Variants in BDH1 observed in about 807,000 individuals in gnomAD.
BDH1 encodes the protein D-beta-hydroxybutyrate dehydrogenase, mitochondrial.
BDH1 carries 30 observed loss-of-function variants against 33.1 expected under a neutral mutation model. That is an observed-to-expected ratio of 0.91 (90% CI 0.68 to 1.23). BDH1 has a LOEUF of 1.23. BDH1 is among the 50% of genes most tolerant of loss of function. The pLI, the probability that BDH1 is intolerant of heterozygous loss-of-function variation, is 0.00. For synonymous variants in BDH1, 190 were observed against 183.6 expected (o/e 1.03, Z -0.28); for missense variants, 443 against 464.4 (o/e 0.95, Z 0.42).
chr3:197,542,904 A>C (rs1040365093), intron 3 of BDH1, among the ~76,000 whole-genome samples: 1 of 152,034 alleles, frequency 6.6e-6, no homozygotes, highest in Non-Finnish European at 1.5e-5. Context: ...TTTTGCCCTA[A>C]CCCAGGAACA....
At chr3:197,531,880 T>C (rs1337755807) in intron 5 of BDH1, among the ~76,000 whole-genome samples, 1 of 152,168 alleles carries the variant, frequency 6.6e-6, no homozygotes, top group Non-Finnish European at 1.5e-5. Context: ...AGCCTCATGC[T>C]TTCAAGCCTC....
At chr3:197,546,887 C>A (rs149734755) in intron 2 of BDH1, among the ~76,000 whole-genome samples, 286 of 152,310 alleles carry the variant, frequency 1.9e-3, no homozygotes, top group African/African-American at 6.2e-3. Flanking sequence ...GCTGAAACAC[C>A]CACCTGTGGT....
rs886900954 is a variant in BDH1, at chr3:197,562,340, T to A, written c.-44+10841A>T. Reference sequence around the variant, plus strand: ...CCATAATTAATCTCAATTGTGTTTGTCTGTGTGCATTTGTCTGAGGAACTG... The same window carrying A: ...CCATAATTAATCTCAATTGTGTTTGACTGTGTGCATTTGTCTGAGGAACTG... On this transcript the variant is annotated intron_variant, in intron 1 of 6. Transcript: ENST00000358186. Among the ~76,000 whole-genome samples the A allele has an allele frequency of 2.6e-5, 4 of 152,158 alleles. No individual in the cohort carries two copies. The East Asian group carries it at 7.8e-4, about 30-fold the overall frequency.
chr3:197,538,415 G>T (rs535438285), intron 3 of BDH1: 20 of 453,626 alleles, frequency 4.4e-5, no homozygotes, highest in African/African-American at 3.6e-4. Context: ...GCAGTGACAC[G>T]ATCTCAGCTC....
At chr3:197,513,759 A>C (rs921901177) in intron 7 of BDH1, among the ~76,000 whole-genome samples, 2 of 152,182 alleles carry the variant, frequency 1.3e-5, no homozygotes, top group African/African-American at 4.8e-5. Context: ...CAAGTCAATG[A>C]CTTCTAAAGT....
In BDH1 at chr3:197,512,349, A is replaced by C. The variant is rs1303706760; in HGVS notation, c.578T>G (p.Ile193Ser). Residue 193 changes from isoleucine to serine, a missense_variant, in exon 8 of 8, where the codon ATC becomes AGC. Physicochemically the swap from Ile to Ser is moderately radical, Grantham distance 142. Coordinates refer to ENST00000392379, the MANE Select transcript of BDH1 (RefSeq NM_203314.3). ...IRRAKGRVVN[I>S]SSMLGRMANP... ...GGCCATGCGGCCCAGCATGCTGCTG[A>C]TATTGACGACGCGGCCTACAGAGGG... 3 of 1,606,448 alleles carry C rather than the reference A, an allele frequency of 1.9e-6. No individual in the cohort carries two copies. The African/African-American group carries it at 4.0e-5, about 21-fold the overall frequency.
In BDH1 at chr3:197,511,869, C is replaced by T. The variant is rs769038648; in HGVS notation, c.*26G>A. 6.5e-7 allele frequency: 1 copy of T among 1,529,622 alleles called. No individual in the cohort carries two copies. The highest frequency in any genetic ancestry group is 1.3e-5 in the South Asian group (1 of 77,212). The allele number at this position is 1,529,622 out of a possible 1,614,324, so 94.8% of individuals were successfully genotyped here. A position where few individuals can be genotyped will look rare whatever the true frequency, so the allele number is the denominator to read the frequency against. The stretch of plus-strand genomic sequence containing the variant: ...CTCCCCTCCCCTTCCACCAGGGATC[C>T]CTGACAGAGGCCACAGCGAGACTCT... On this transcript the variant is annotated 3_prime_UTR_variant, in exon 8 of 8. Coordinates refer to ENST00000392379, the MANE Select transcript of BDH1 (RefSeq NM_203314.3).
chr3:197,532,483 C>G lies in BDH1; in HGVS notation c.196G>C (p.Gly66Arg). The change falls in exon 5 of 8, where the codon GGA becomes CGA. Residue 66 changes from glycine to arginine, a missense_variant. By Grantham distance (125) the Gly-to-Arg change is moderately radical. Coordinates refer to ENST00000392379, the MANE Select transcript of BDH1 (RefSeq NM_203314.3). ...TGCTTGGCCAATGAGAACCCAAATC[C>G]AGAGTCACAGCCTGTGACCAGGACA... ...KAVLVTGCDS[G>R]FGFSLAKHLH... is the part of the protein sequence containing the mutation. The G allele has an allele frequency of 6.2e-7, 1 of 1,614,218 alleles. No homozygotes were observed. Among genetic ancestry groups the G allele is most frequent in the Non-Finnish European group, 8.5e-7 (1 of 1,180,022 alleles).
upstream of BDH1, among the ~76,000 whole-genome samples, chr3:197,556,646 C>T (rs555004221): frequency 9.2e-4 from 140 of 152,330 alleles, 2 homozygotes; most frequent in South Asian, 3.7e-3. Context: ...CTAGCCTGGG[C>T]GACAGAGTGC....
At chr3:197,543,015 C>T (rs562414342) in intron 3 of BDH1, 11 of 985,418 alleles carry the variant, frequency 1.1e-5, no homozygotes, top group East Asian at 1.1e-4. Flanking sequence ...CATTTGAGAG[C>T]GCTCCCTATG....
chr3:197,549,089 T>C (rs1377266013), intron 2 of BDH1, among the ~76,000 whole-genome samples: 2 of 152,150 alleles, frequency 1.3e-5, no homozygotes, highest in African/African-American at 4.8e-5. Context: ...TGCCTTTTAG[T>C]TTGGGAACAG....
chr3:197,559,157 G>A (rs372000542), upstream of BDH1, among the ~76,000 whole-genome samples: 30 of 151,998 alleles, frequency 2.0e-4, no homozygotes, highest in South Asian at 4.2e-4. Context: ...CCGCCACCAC[G>A]CCCAGCTAAT....
chr3:197,556,137 C>T (rs1457438799), upstream of BDH1: 1 of 152,238 alleles, frequency 6.6e-6, no homozygotes, highest in Non-Finnish European at 1.5e-5. Flanking sequence ...AAGCCGGGCG[C>T]CAGATCCCCC....
In BDH1 at chr3:197,522,538, G is replaced by C; in HGVS notation, c.409+102C>G. The C allele has an allele frequency of 6.9e-7, 1 of 1,456,934 alleles. No individual in the cohort carries two copies. Among genetic ancestry groups the C allele is most frequent in the Non-Finnish European group, 9.4e-7 (1 of 1,058,474 alleles). 90.3% of individuals were successfully genotyped at this position (1,456,934 alleles called of 1,614,324 possible). On this transcript the variant is annotated intron_variant, in intron 6 of 7. Transcript: ENST00000392379. This position sits in a 1 kb window ranked among gnomAD's most constrained non-coding sequence, Gnocchi z 4.8. Reference sequence around the variant, plus strand: ...AGGAAGAGCCTAAACAATAAGGAAGGGAGTGTGGTGGCAGGATGCCAGCCA... The same window carrying C: ...AGGAAGAGCCTAAACAATAAGGAAGCGAGTGTGGTGGCAGGATGCCAGCCA...
chr3:197,512,515 C>T (rs560334230), intron 7 of BDH1, 151 bp from the exon 8 acceptor site: 6 of 817,696 alleles, frequency 7.3e-6, no homozygotes, highest in African/African-American at 3.4e-5. Flanking sequence ...CTCAGGCCCA[C>T]GCATCAGCAT....
chr3:197,515,904 ACACACACACACG>A (rs1220650563), intron 6 of BDH1: 2 of 154,174 alleles, frequency 1.3e-5, no homozygotes, highest in African/African-American at 2.5e-5. Context: ...ACACACACAC[ACACACACACACG>A]CGCGCGCGCG....
Position 197,514,119 on chromosome 3 carries a change from G to C in BDH1, c.562+145C>G, listed in dbSNP as rs937213446. The C allele has an allele frequency of 8.8e-7, 1 of 1,138,906 alleles. No homozygotes were observed. The highest frequency in any genetic ancestry group is 1.6e-5 in the African/African-American group (1 of 62,820). The allele number at this position is 1,138,906 out of a possible 1,614,324, so 70.6% of individuals were successfully genotyped here. A position where few individuals can be genotyped will look rare whatever the true frequency, so the allele number is the denominator to read the frequency against. On this transcript the variant is annotated intron_variant, in intron 7 of 7. Coordinates refer to ENST00000392379, the MANE Select transcript of BDH1 (RefSeq NM_203314.3). This position sits in a 1 kb window ranked among gnomAD's most constrained non-coding sequence, Gnocchi z 4.2. ...AGCCCCTCTGCCCACCATCACCCCA[G>C]GCCCAGCATAGTCCCTGGGATTCAC...
At chr3:197,550,329 C>G (rs1484378262) in intron 2 of BDH1, among the ~76,000 whole-genome samples, 1 of 152,184 alleles carries the variant, frequency 6.6e-6, no homozygotes, top group Non-Finnish European at 1.5e-5. Flanking sequence ...CTTGATCGTC[C>G]TGAGAGACAT....
chr3:197,567,946 A>G (rs1717487567), intron 1 of BDH1, among the ~76,000 whole-genome samples: 1 of 152,140 alleles, frequency 6.6e-6, no homozygotes, highest in Non-Finnish European at 1.5e-5. Flanking sequence ...GACCTGAGAG[A>G]TCATGGTGTT....
Sources: allele counts gnomAD v4.1 joint callset (sites outside exome capture counted in the v4.1 genomes callset), GRCh38; gene constraint gnomAD v4.1.1; non-coding constraint Gnocchi (gnomAD v3.1); transcripts MANE v1.5; gene names NCBI Gene and HGNC (gene_info 2026-07-23, HGNC 2026-07-21).